SHROOM3: variants seen among roughly 807,000 people sequenced by gnomAD.
The protein encoded by SHROOM3 is shroom family member 3, also known as protein Shroom3.
SHROOM3 carries 47 observed loss-of-function variants against 138.6 expected under a neutral mutation model. That is an observed-to-expected ratio of 0.34 (90% CI 0.27 to 0.43). SHROOM3 has a LOEUF of 0.43. Ranked by LOEUF, SHROOM3 falls within the 20% of genes least tolerant of loss-of-function variation. The pLI, the probability that SHROOM3 is intolerant of heterozygous loss-of-function variation, is 1.00. For missense variants in SHROOM3, 2,491 were observed against 2,596.5 expected, an observed-to-expected ratio of 0.96 and a Z score of 0.88; for synonymous variants, 1,062 against 1,063.3, an observed-to-expected ratio of 1.00 and a Z score of 0.02.
intron 1 of SHROOM3, among the ~76,000 whole-genome samples, chr4:76,534,294 G>C (rs1732893623): frequency 6.6e-6 from 1 of 152,126 alleles, no homozygotes; most frequent in Non-Finnish European, 1.5e-5. Flanking sequence ...CTCATGTTCT[G>C]CATTTCTAAG....
chr4:76,696,490 G>A (rs372898506), intron 2 of SHROOM3, among the ~76,000 whole-genome samples: 2 of 152,286 alleles, frequency 1.3e-5, no homozygotes, highest in East Asian at 1.9e-4. Flanking sequence ...TCTCTTTGTC[G>A]TGGGTTCTAT....
In SHROOM3 at chr4:76,778,835, C is replaced by G; in HGVS notation, c.5649C>G (p.Ile1883Met). ...GCTCTCTTTACGAGAAAAGGAAGAT[C>G]CTGGCTGGTCAGCATGAGGATGCCC... Reference protein sequence around the residue: ...ERSSLYEKRKILAGQHEDARE... With the variant: ...ERSSLYEKRKMLAGQHEDARE... Residue 1883 changes from isoleucine (I) to methionine (M), a missense_variant, in exon 11 of 11, where the codon ATC becomes ATG. Coordinates refer to ENST00000296043, the MANE Select transcript of SHROOM3 (RefSeq NM_020859.4). 1 of 1,612,482 alleles carries G rather than the reference C, an allele frequency of 6.2e-7. No homozygotes were observed. Among genetic ancestry groups the G allele is most frequent in the Non-Finnish European group, 8.5e-7 (1 of 1,180,026 alleles).
chr4:76,762,227 T>C (rs1182574833), intron 9 of SHROOM3, among the ~76,000 whole-genome samples: 2 of 152,242 alleles, frequency 1.3e-5, no homozygotes, highest in Admixed American at 6.5e-5. Context: ...AACTGACATA[T>C]ATGAATGTGC....
At chr4:76,681,625 G>GTGTGTGTGTGTGTGTGTATGTATGTA (rs150048957) in intron 2 of SHROOM3, among the ~76,000 whole-genome samples, 5 of 117,886 alleles carry the variant, frequency 4.2e-5, no homozygotes, top group African/African-American at 7.1e-5. Context: ...GTGTGTGTGT[G>GTGTGTGTGTGTGTGTGTATGTATGTA]TGTGTGTGTA....
At position 76,694,676 on chromosome 4, in the gene SHROOM3, A is replaced by G. The variant is rs1719669111; in HGVS notation, c.324-15480A>G. On this transcript the variant is annotated intron_variant, in intron 2 of 10. Coordinates refer to ENST00000296043, the MANE Select transcript of SHROOM3 (RefSeq NM_020859.4). ...GCAAGATGGTGATAATGATACCTTAAGAGAGGTATTAATATTTATTAGGTT... is the reference window on the plus strand; with the variant it reads ...GCAAGATGGTGATAATGATACCTTAGGAGAGGTATTAATATTTATTAGGTT... 2.0e-5 allele frequency among the ~76,000 whole-genome samples: 3 copies of G among 152,334 alleles called. No homozygotes were observed. The South Asian group carries it at 6.2e-4, about 32-fold the overall frequency.
At chr4:76,528,370 C>G (rs1453282803) in intron 1 of SHROOM3, among the ~76,000 whole-genome samples, 1 of 134,144 alleles carries the variant, frequency 7.5e-6, no homozygotes, top group Non-Finnish European at 1.6e-5. Flanking sequence ...GAGACAGGGT[C>G]TTCCTATGTC....
chr4:76,591,284 G>A (rs1180380873), intron 2 of SHROOM3, among the ~76,000 whole-genome samples: 2 of 152,174 alleles, frequency 1.3e-5, no homozygotes, highest in East Asian at 1.9e-4. Flanking sequence ...GCATTGTTAA[G>A]GAGGTTAAAT....
intron 1 of SHROOM3, among the ~76,000 whole-genome samples, chr4:76,489,405 T>C (rs1731803801): frequency 6.6e-6 from 1 of 152,238 alleles, no homozygotes; most frequent in Non-Finnish European, 1.5e-5. Context: ...TTTGTGTGTC[T>C]GTTTAATCCC....
At position 76,740,724 on chromosome 4, in the gene SHROOM3, G is replaced by A. The variant is rs780698521; in HGVS notation, c.2551G>A (p.Gly851Arg). 3.1e-6 allele frequency: 5 copies of A among 1,613,398 alleles called. No homozygotes were observed. The highest frequency in any genetic ancestry group is 1.3e-5 in the African/African-American group (1 of 74,940). The stretch of plus-strand genomic sequence containing the variant: ...CAACGGGGAGCAGCACTTCAAAAAC[G>A]GGGAGCTGAAGTTGGAAGAGGCTTC... ...LGNGEQHFKNGELKLEEASRQ... is the reference protein window; with the variant it reads ...LGNGEQHFKNRELKLEEASRQ... The change falls in exon 5 of 11, where the codon GGG becomes AGG. Residue 851 changes from glycine (G) to arginine (R), a missense_variant. By Grantham distance (125) the Gly-to-Arg change is moderately radical (BLOSUM62 -2). This residue lies in a region of SHROOM3 where 1,733 missense variants were observed against 1,661.6 expected (regional missense o/e 1.04). Transcript: ENST00000296043. This position sits in a 1 kb window ranked among gnomAD's most constrained non-coding sequence, Gnocchi z 4.0.
chr4:76,659,556 T>C (rs1250730685), intron 2 of SHROOM3, among the ~76,000 whole-genome samples: 1 of 152,196 alleles, frequency 6.6e-6, no homozygotes, highest in Non-Finnish European at 1.5e-5. Context: ...AGAAATCCAG[T>C]GAAGTTGCTG....
At chr4:76,534,654 G>A (rs148557255) in intron 1 of SHROOM3, among the ~76,000 whole-genome samples, 1 of 152,204 alleles carries the variant, frequency 6.6e-6, no homozygotes, top group Non-Finnish European at 1.5e-5. Context: ...TTGTCACCCA[G>A]CCCTTCAGGG....
In SHROOM3 at chr4:76,543,506, G is replaced by A. The variant is rs183145771; in HGVS notation, c.169-12103G>A. ...ATTTGTATCAGTCAGAAGATACCAG[G>A]TTAGGCTACAGTAACAAACAACCCC... On this transcript the variant is annotated intron_variant, in intron 1 of 10. Coordinates refer to ENST00000296043, the MANE Select transcript of SHROOM3 (RefSeq NM_020859.4). Among the ~76,000 whole-genome samples, 813 of 150,692 alleles carry A rather than the reference G, an allele frequency of 5.4e-3. 8 individuals are homozygous for A. Among genetic ancestry groups the A allele is most frequent in the African/African-American group, 0.018 (745 of 41,476 alleles).
chr4:76,547,354 T>C (rs1733243520), intron 1 of SHROOM3, among the ~76,000 whole-genome samples: 8 of 152,242 alleles, frequency 5.3e-5, no homozygotes, highest in Admixed American at 5.2e-4. Context: ...TTCTGAGCCT[T>C]GGTATTCTCA....
At chr4:76,672,005 TA>T (rs1168907960) in intron 2 of SHROOM3, among the ~76,000 whole-genome samples, 1 of 152,178 alleles carries the variant, frequency 6.6e-6, no homozygotes, top group Non-Finnish European at 1.5e-5. Context: ...ATTTTTGTAT[TA>T]GGGATACTCA....
intron 1 of SHROOM3, among the ~76,000 whole-genome samples, chr4:76,539,356 T>C (rs1044926286): frequency 6.6e-6 from 1 of 152,180 alleles, no homozygotes; most frequent in African/African-American, 2.4e-5. Context: ...CTAGGGATGG[T>C]TGAAATTATC....
intron 2 of SHROOM3, among the ~76,000 whole-genome samples, chr4:76,703,231 G>A (rs1719952834): frequency 6.6e-6 from 1 of 152,100 alleles, no homozygotes; most frequent in Non-Finnish European, 1.5e-5. Flanking sequence ...CAAATGAATG[G>A]CATGCCTATG....
At chr4:76,461,059 G>A (rs1379167984) in intron 1 of SHROOM3, among the ~76,000 whole-genome samples, 1 of 151,366 alleles carries the variant, frequency 6.6e-6, no homozygotes, top group East Asian at 1.9e-4. Flanking sequence ...ATTGTATTAG[G>A]GCACATCATA....
chr4:76,499,981 G>A (rs1732056202), intron 1 of SHROOM3, among the ~76,000 whole-genome samples: 1 of 152,186 alleles, frequency 6.6e-6, no homozygotes, highest in Admixed American at 6.5e-5. Context: ...AACTCTGTGA[G>A]GTAGATTATT....
intron 2 of SHROOM3, among the ~76,000 whole-genome samples, chr4:76,584,307 ACT>A (rs1560554222): frequency 6.6e-6 from 1 of 151,658 alleles, no homozygotes; most frequent in East Asian, 1.9e-4. Flanking sequence ...ACAGAGCAAG[ACT>A]GCATCTCAAA....
Sources: allele counts gnomAD v4.1 joint callset (sites outside exome capture counted in the v4.1 genomes callset), GRCh38; gene constraint gnomAD v4.1.1; regional missense constraint gnomAD v4.1.1; non-coding constraint Gnocchi (gnomAD v3.1); transcripts MANE v1.5; gene names NCBI Gene and HGNC (gene_info 2026-07-23, HGNC 2026-07-21).